Variants in ANK3 observed in about 807,000 individuals in gnomAD.
The protein encoded by ANK3 is ankyrin 3.
A neutral mutation model predicts 370.9 loss-of-function variants in ANK3; 57 were observed. That is an observed-to-expected ratio of 0.15 (90% confidence interval 0.12 to 0.19). The LOEUF (loss-of-function observed/expected upper bound fraction) is 0.19, where lower values mean the gene tolerates loss of function less well. Ranked by LOEUF, ANK3 falls within the 10% of genes least tolerant of loss-of-function variation. ANK3 has a pLI of 1.00. For synonymous variants in ANK3, 1,929 were observed against 1,946.3 expected (o/e 0.99, Z 0.23); for missense variants, 4,439 against 5,302.1 (o/e 0.84, Z 5.06).
At chr10:60,233,882 C>T (rs1223379402) in intron 8 of ANK3, among the ~76,000 whole-genome samples, 1 of 152,278 alleles carries the variant, frequency 6.6e-6, no homozygotes. Context: ...AACTAAAACT[C>T]TATACCCATC....
At chr10:60,591,463 A>AT (rs2077913120) in intron 2 of ANK3, among the ~76,000 whole-genome samples, 1 of 151,842 alleles carries the variant, frequency 6.6e-6, no homozygotes, top group African/African-American at 2.4e-5. Context: ...CAAATGGATG[A>AT]TTTTTCTGCT....
At chr10:60,200,619 C>A (rs1360485499) in intron 12 of ANK3, among the ~76,000 whole-genome samples, 1 of 151,720 alleles carries the variant, frequency 6.6e-6, no homozygotes, top group Non-Finnish European at 1.5e-5. Flanking sequence ...CCCCACACCC[C>A]CCACATCTGC....
chr10:60,709,223 A>G (rs1483918334), intron 1 of ANK3, among the ~76,000 whole-genome samples: 3 of 152,208 alleles, frequency 2.0e-5, no homozygotes. Context: ...AAGAGTGATG[A>G]ATACACTAAG....
intron 25 of ANK3, among the ~76,000 whole-genome samples, chr10:60,119,745 C>A (rs939312098): frequency 3.9e-5 from 6 of 152,086 alleles, no homozygotes; most frequent in Non-Finnish European, 7.3e-5. Flanking sequence ...GCACTCTATC[C>A]TGGGCGAAAG....
At chr10:60,064,391 AGTCAAGCT>A in intron 38 of ANK3, 103 bp from the exon 39 acceptor site, 1 of 1,230,892 alleles carries the variant, frequency 8.1e-7, no homozygotes. Flanking sequence ...GGAATTTTAT[AGTCAAGCT>A]CAAGTACAGC....
At chr10:60,693,026 C>T (rs1433067725) in intron 1 of ANK3, among the ~76,000 whole-genome samples, 5 of 152,272 alleles carry the variant, frequency 3.3e-5, no homozygotes, top group African/African-American at 4.8e-5. Flanking sequence ...AGACAGTGGG[C>T]GCAGGTCAGT....
intron 16 of ANK3, among the ~76,000 whole-genome samples, chr10:60,190,272 T>C (rs771849615): frequency 2.0e-5 from 3 of 152,228 alleles, no homozygotes; most frequent in Non-Finnish European, 4.4e-5. Context: ...TTGAGGTTGC[T>C]GCTGTCACAT....
intron 2 of ANK3, among the ~76,000 whole-genome samples, chr10:60,452,271 G>A (rs1423840658): frequency 2.0e-5 from 3 of 152,180 alleles, no homozygotes; most frequent in East Asian, 1.9e-4. Context: ...TGCTGCCAGG[G>A]CTGTGCCCTT....
At chr10:60,265,439 C>A (rs1257445663) in intron 5 of ANK3, among the ~76,000 whole-genome samples, 3 of 152,172 alleles carry the variant, frequency 2.0e-5, no homozygotes, top group African/African-American at 7.2e-5. Flanking sequence ...ACAGATTTCA[C>A]TGCAGTGAAA....
intron 23 of ANK3, among the ~76,000 whole-genome samples, chr10:60,150,220 C>G (rs1043517638): frequency 6.6e-6 from 1 of 152,104 alleles, no homozygotes; most frequent in Non-Finnish European, 1.5e-5. Context: ...TCATCCGGTG[C>G]CTGGCGTCTG....
At chr10:60,168,748 C>T (rs2095692799) in intron 21 of ANK3, among the ~76,000 whole-genome samples, 1 of 152,018 alleles carries the variant, frequency 6.6e-6, no homozygotes, top group Non-Finnish European at 1.5e-5. Context: ...CCTGTGTCCA[C>T]GTGGTCTTAT....
intron 1 of ANK3, among the ~76,000 whole-genome samples, chr10:60,369,470 C>G (rs953967128): frequency 1.3e-5 from 2 of 152,160 alleles, no homozygotes; most frequent in East Asian, 3.8e-4. Flanking sequence ...GTCAATGACC[C>G]AGCTGTGGTC....
At position 60,263,817 on chromosome 10, in the gene ANK3, G is replaced by A. The variant is rs761702364; in HGVS notation, c.699+18C>T. The A allele has an allele frequency of 1.9e-5, 31 of 1,612,798 alleles. No individual in the cohort carries two copies. Among genetic ancestry groups the A allele is most frequent in the African/African-American group, 5.3e-5 (4 of 74,866 alleles). ...CACCGGAGAGTTGCATGACAGGCCC[G>A]TGTCCCTCGTGCCTCACCTTTGATT... On this transcript the variant is annotated intron_variant, in intron 6 of 43. Coordinates refer to ENST00000280772, the MANE Select transcript of ANK3 (RefSeq NM_020987.5).
At position 60,045,029 on chromosome 10, in the gene ANK3, A is replaced by G. The variant is rs1458922460; in HGVS notation, c.13066-2270T>C. ...ATCAATACCAAGGGAATTTAAGATG[A>G]TATCTTCTGATCTATGCACCCACAA... On this transcript the variant is annotated intron_variant, in intron 42 of 43. Coordinates refer to ENST00000280772, the MANE Select transcript of ANK3 (RefSeq NM_020987.5). Among the ~76,000 whole-genome samples, 4 of 152,314 alleles carry G rather than the reference A, an allele frequency of 2.6e-5. No individual in the cohort carries two copies. The East Asian group carries it at 5.8e-4, about 22-fold the overall frequency.
chr10:60,104,880 G>T (rs191161051), intron 28 of ANK3, among the ~76,000 whole-genome samples: 3 of 152,242 alleles, frequency 2.0e-5, no homozygotes, highest in Non-Finnish European at 4.4e-5. Context: ...AATAACCATA[G>T]GAAGTTAGGA....
intron 1 of ANK3, among the ~76,000 whole-genome samples, chr10:60,693,329 G>A (rs1337894892): frequency 6.6e-6 from 1 of 152,106 alleles, no homozygotes; most frequent in South Asian, 2.1e-4. Context: ...GGGGAGGGGC[G>A]CCCGCCATTG....
At chr10:60,372,332 A>G (rs1392300782) in intron 1 of ANK3, among the ~76,000 whole-genome samples, 3 of 152,188 alleles carry the variant, frequency 2.0e-5, no homozygotes, top group Non-Finnish European at 4.4e-5. Context: ...TAGACAATCC[A>G]CACATGAAAT....
chr10:60,207,751 G>T (rs953791127), intron 10 of ANK3, among the ~76,000 whole-genome samples: 2 of 152,076 alleles, frequency 1.3e-5, no homozygotes, highest in East Asian at 3.9e-4. Flanking sequence ...ACAATAAGAC[G>T]ACGTTGGCCA....
intron 2 of ANK3, among the ~76,000 whole-genome samples, chr10:60,584,767 CTTG>C (rs2077807643): frequency 6.6e-6 from 1 of 152,194 alleles, no homozygotes; most frequent in Non-Finnish European, 1.5e-5. Flanking sequence ...TCCTTCCTCT[CTTG>C]TTGTCTGAAA....
Sources: gnomAD v4.1 joint callset for allele counts (sites outside exome capture counted in the v4.1 genomes callset) on GRCh38, gnomAD v4.1.1 for gene constraint, MANE v1.5 for transcripts, NCBI Gene and HGNC (gene_info 2026-07-23, HGNC 2026-07-21) for gene names.